The following MAGI3 variants were observed in gnomAD, a reference collection of about 807,000 sequenced individuals.
MAGI3 encodes the protein membrane associated guanylate kinase, WW and PDZ domain containing 3.
Under a neutral mutation model 121.8 loss-of-function variants are expected in MAGI3, and 43 were observed. The ratio of observed to expected loss-of-function variants is 0.35; its 90% CI spans 0.28 to 0.46. The LOEUF (loss-of-function observed/expected upper bound fraction) is 0.46. Ranked by LOEUF, MAGI3 falls within the 20% of genes least tolerant of loss-of-function variation. MAGI3 has a pLI of 1.00. For missense variants in MAGI3, 1,547 were observed against 1,797.3 expected (o/e 0.86, Z 2.52); for synonymous variants, 553 against 639.3 (o/e 0.86, Z 2.04).
Position 113,585,611 on chromosome 1 carries a change from G to A in MAGI3, c.763+15G>A, listed in dbSNP as rs759612489. 6.3e-6 allele frequency: 10 copies of A among 1,595,084 alleles called. No individual in the cohort carries two copies. The South Asian group carries it at 1.0e-4, about 16-fold the overall frequency. On this transcript the variant is annotated intron_variant, in intron 4 of 20. Transcript: ENST00000307546. ...TGGAAACGCAGGTTTGTAAATAGAT[G>A]AACAACTTCTAACTGATCTTCTAGA...
intron 8 of MAGI3, among the ~76,000 whole-genome samples, chr1:113,621,789 TG>T (rs1300873700): frequency 2.6e-5 from 4 of 151,514 alleles, no homozygotes; most frequent in African/African-American, 9.7e-5. Flanking sequence ...AATAAAGTAC[TG>T]ACATATGCTA....
At chr1:113,436,795 A>G (rs1653585707) in intron 1 of MAGI3, among the ~76,000 whole-genome samples, 1 of 151,524 alleles carries the variant, frequency 6.6e-6, no homozygotes, top group Admixed American at 6.6e-5. Context: ...CTTTTTTTCC[A>G]AATTTTAAAG....
chr1:113,605,047 A>G (rs1042996815), intron 6 of MAGI3, among the ~76,000 whole-genome samples: 1 of 151,306 alleles, frequency 6.6e-6, no homozygotes, highest in Non-Finnish European at 1.5e-5. Flanking sequence ...CCAAAGATTA[A>G]TGAGATTTTA....
At chr1:113,406,460 A>G (rs561864183) in intron 1 of MAGI3, among the ~76,000 whole-genome samples, 83 of 151,964 alleles carry the variant, frequency 5.5e-4, no homozygotes, top group Non-Finnish European at 1.1e-3. Context: ...AGAAAAAAAA[A>G]AAAGGAAAAA....
chr1:113,609,682 A>C (rs1240275503), intron 6 of MAGI3, among the ~76,000 whole-genome samples: 1 of 152,230 alleles, frequency 6.6e-6, no homozygotes, highest in Non-Finnish European at 1.5e-5. Flanking sequence ...CCACCATGAG[A>C]AAATAATTGT....
intron 1 of MAGI3, among the ~76,000 whole-genome samples, chr1:113,412,876 A>G (rs568872070): frequency 2.0e-5 from 3 of 151,996 alleles, no homozygotes; most frequent in East Asian, 3.9e-4. Flanking sequence ...AAGCTCTTTA[A>G]TTTAATTAGA....
At chr1:113,469,598 T>A (rs1465567621) in intron 1 of MAGI3, among the ~76,000 whole-genome samples, 2 of 152,072 alleles carry the variant, frequency 1.3e-5, no homozygotes, top group Admixed American at 1.3e-4. Flanking sequence ...ATAAAGAAAG[T>A]GTTGCCACTG....
intron 19 of MAGI3, among the ~76,000 whole-genome samples, chr1:113,677,115 C>T (rs1005790355): frequency 3.3e-5 from 5 of 151,890 alleles, no homozygotes; most frequent in African/African-American, 7.3e-5. Context: ...TTCTTCCTTT[C>T]GGTCTGGTTA....
chr1:113,659,972 A>T (rs975567918), intron 16 of MAGI3, among the ~76,000 whole-genome samples: 1 of 152,192 alleles, frequency 6.6e-6, no homozygotes, highest in South Asian at 2.1e-4. Context: ...AGAATTATGA[A>T]GGGTCAGTCT....
At chr1:113,476,304 T>C (rs916635649) in intron 1 of MAGI3, among the ~76,000 whole-genome samples, 2 of 152,208 alleles carry the variant, frequency 1.3e-5, no homozygotes, top group African/African-American at 4.8e-5. Context: ...GTTCTTTTAA[T>C]TGTGATGTTA....
At chr1:113,444,622 A>G (rs1360744306) in intron 1 of MAGI3, among the ~76,000 whole-genome samples, 1 of 152,156 alleles carries the variant, frequency 6.6e-6, no homozygotes, top group Non-Finnish European at 1.5e-5. Context: ...AACCCAGCAA[A>G]CCCTGAGGAA....
At chr1:113,490,791 G>T (rs772887618) in intron 1 of MAGI3, among the ~76,000 whole-genome samples, 1 of 151,986 alleles carries the variant, frequency 6.6e-6, no homozygotes, top group Non-Finnish European at 1.5e-5. Context: ...ACAAAGAAGG[G>T]CATTACATAA....
At chr1:113,533,562 G>A (rs1025841665) in intron 1 of MAGI3, among the ~76,000 whole-genome samples, 1 of 151,988 alleles carries the variant, frequency 6.6e-6, no homozygotes, top group Non-Finnish European at 1.5e-5. Context: ...TAACAAACCT[G>A]CACGTGTATC....
intron 1 of MAGI3, among the ~76,000 whole-genome samples, chr1:113,539,257 G>A (rs932665897): frequency 6.6e-6 from 1 of 151,940 alleles, no homozygotes; most frequent in African/African-American, 2.4e-5. Flanking sequence ...GCTGGGCGTG[G>A]TGGTGTGCGT....
intron 16 of MAGI3, among the ~76,000 whole-genome samples, chr1:113,666,431 C>T (rs1654047468): frequency 6.6e-6 from 1 of 152,224 alleles, no homozygotes; most frequent in Admixed American, 6.5e-5. Context: ...TAGATTCCAT[C>T]TCAAGAAGCC....
intron 13 of MAGI3, among the ~76,000 whole-genome samples, 187 bp from the exon 14 acceptor site, chr1:113,650,827 A>G (rs79965024): frequency 0.022 from 3,371 of 152,310 alleles, 124 homozygotes; most frequent in African/African-American, 0.077. Context: ...ACATAATACA[A>G]TGTGGTTATT....
intron 6 of MAGI3, among the ~76,000 whole-genome samples, chr1:113,599,421 T>C (rs572257402): frequency 4.6e-5 from 7 of 152,150 alleles, no homozygotes; most frequent in South Asian, 2.1e-4. Flanking sequence ...TAAAAACTAC[T>C]ATCAGAGAAT....
intron 6 of MAGI3, among the ~76,000 whole-genome samples, chr1:113,597,904 C>A (rs1649118218): frequency 6.6e-6 from 1 of 152,088 alleles, no homozygotes; most frequent in African/African-American, 2.4e-5. Context: ...CAGAATAGAA[C>A]CTCTTGAAAG....
At chr1:113,464,260 T>C (rs767410930) in intron 1 of MAGI3, among the ~76,000 whole-genome samples, 3 of 152,108 alleles carry the variant, frequency 2.0e-5, no homozygotes, top group Non-Finnish European at 4.4e-5. Flanking sequence ...TATTTGTCTT[T>C]TACTGCTTGG....
Sources: gnomAD v4.1 joint callset for allele counts (sites outside exome capture counted in the v4.1 genomes callset) on GRCh38, gnomAD v4.1.1 for gene constraint, MANE v1.5 for transcripts, NCBI Gene and HGNC (gene_info 2026-07-23, HGNC 2026-07-21) for gene names.